The following FHL2 variants were observed in gnomAD, a reference collection of about 807,000 sequenced individuals.
FHL2 encodes four and a half LIM domains 2.
Under a neutral mutation model 32.7 loss-of-function variants are expected in FHL2, and 20 were observed. That is an observed-to-expected ratio of 0.61 (90% CI 0.43 to 0.89). FHL2 has a LOEUF of 0.89. Among genes scored for constraint, FHL2 ranks in the 40% least tolerant of loss-of-function variants. FHL2 has a pLI of 0.00. For missense variants in FHL2, 311 were observed against 358.6 expected, an observed-to-expected ratio of 0.87 and a Z score of 1.07; for synonymous variants, 123 against 128.1, an observed-to-expected ratio of 0.96 and a Z score of 0.27.
intron 3 of FHL2, among the ~76,000 whole-genome samples, chr2:105,374,783 C>T (rs1681345813): frequency 6.6e-6 from 1 of 152,194 alleles, no homozygotes; most frequent in African/African-American, 2.4e-5. Context: ...TTATGCCCAG[C>T]TTTATCTTAG....
chr2:105,402,082 TGTGTATATATAC>T (rs151135160), upstream of FHL2, among the ~76,000 whole-genome samples: 14,837 of 149,096 alleles, frequency 0.1, 1,097 homozygotes, highest in African/African-American at 0.2. Context: ...CATGTATATA[TGTGTATATATAC>T]GTGTATATAT....
At chr2:105,384,853 C>A (rs1373308691) in intron 3 of FHL2, among the ~76,000 whole-genome samples, 1 of 152,162 alleles carries the variant, frequency 6.6e-6, no homozygotes, top group African/African-American at 2.4e-5. Context: ...ACGGAAGGGT[C>A]AAGTAACTGA....
chr2:105,429,386 T>C (rs1684358446), intron 1 of FHL2, among the ~76,000 whole-genome samples: 1 of 152,212 alleles, frequency 6.6e-6, no homozygotes, highest in Admixed American at 6.5e-5. Flanking sequence ...GGGGGATTAT[T>C]CTACATTATC....
intron 2 of FHL2, among the ~76,000 whole-genome samples, chr2:105,391,912 C>T (rs1682763555): frequency 6.6e-6 from 1 of 152,218 alleles, no homozygotes; most frequent in Non-Finnish European, 1.5e-5. Context: ...TAAGGCGCAA[C>T]CCCTCCTTTT....
intron 1 of FHL2, among the ~76,000 whole-genome samples, chr2:105,412,784 C>T (rs1683833256): frequency 6.6e-6 from 1 of 151,982 alleles, no homozygotes; most frequent in South Asian, 2.1e-4. Context: ...CTGACACAGC[C>T]GAGGAGCAGT....
intron 4 of FHL2, among the ~76,000 whole-genome samples, chr2:105,373,026 C>T (rs1681204978): frequency 6.6e-6 from 1 of 152,198 alleles, no homozygotes; most frequent in African/African-American, 2.4e-5. Context: ...ACCTTTATTG[C>T]CATCCTCGGC....
Position 105,427,036 on chromosome 2 carries a change from C to A in FHL2, c.-25+11363G>T, listed in dbSNP as rs572309512. On this transcript the variant is annotated intron_variant, in intron 1 of 5. Coordinates refer to the FHL2 transcript ENST00000393352. ...AGCCATCTGCAGAGAATGGAGGATG[C>A]CTGAGAGGGGTGTGTAGGAGTAAGA... is the stretch of plus-strand genomic sequence containing the variant. Among the ~76,000 whole-genome samples the A allele has an allele frequency of 2.6e-5, 4 of 152,252 alleles. No homozygotes were observed. In the South Asian group the frequency reaches 6.2e-4, roughly 24 times the overall value.
intron 1 of FHL2, among the ~76,000 whole-genome samples, chr2:105,404,595 G>A (rs994177822): frequency 2.0e-5 from 3 of 152,218 alleles, no homozygotes; most frequent in African/African-American, 7.2e-5. Flanking sequence ...CAGTTGTGAC[G>A]GGAGACCCAA....
chr2:105,413,306 A>G (rs1373517835), intron 1 of FHL2, among the ~76,000 whole-genome samples: 1 of 152,164 alleles, frequency 6.6e-6, no homozygotes, highest in Non-Finnish European at 1.5e-5. Flanking sequence ...TCCAAAATCA[A>G]GAAGCATAAA....
intron 1 of FHL2, among the ~76,000 whole-genome samples, chr2:105,405,949 A>G (rs1201576773): frequency 6.6e-6 from 1 of 152,172 alleles, no homozygotes; most frequent in Non-Finnish European, 1.5e-5. Context: ...TCCTCAAGCC[A>G]CTTTTATGGC....
intron 1 of FHL2, among the ~76,000 whole-genome samples, chr2:105,426,876 G>T (rs934403831): frequency 6.6e-6 from 1 of 152,202 alleles, no homozygotes; most frequent in Non-Finnish European, 1.5e-5. Context: ...TACTCACATG[G>T]CCCTTATCAC....
intron 3 of FHL2, among the ~76,000 whole-genome samples, chr2:105,380,653 A>G (rs1210608896): frequency 6.6e-6 from 1 of 152,230 alleles, no homozygotes; most frequent in Non-Finnish European, 1.5e-5. Context: ...CATGAGTGTA[A>G]CAGAGATAGC....
At chr2:105,420,372 G>A (rs2104667503) in intron 1 of FHL2, among the ~76,000 whole-genome samples, 1 of 152,108 alleles carries the variant, frequency 6.6e-6, no homozygotes, top group East Asian at 1.9e-4. Context: ...CTTTTACAAG[G>A]GCACCACTCA....
intron 3 of FHL2, chr2:105,385,826 C>T (rs1682265688): frequency 6.4e-6 from 1 of 157,144 alleles, no homozygotes; most frequent in Non-Finnish European, 1.4e-5. Flanking sequence ...GAGCCATGAA[C>T]ACATTTCCCC....
upstream of FHL2, among the ~76,000 whole-genome samples, chr2:105,400,586 T>C (rs1683426581): frequency 6.6e-6 from 1 of 152,210 alleles, no homozygotes; most frequent in Non-Finnish European, 1.5e-5. Flanking sequence ...AGTTCTCAAA[T>C]GGTGAGTCTT....
chr2:105,363,542 A>G, intron 5 of FHL2, 71 bp from the exon 6 acceptor site: 1 of 1,386,832 alleles, frequency 7.2e-7, no homozygotes, highest in Non-Finnish European at 9.8e-7. Context: ...AGCTACTGCC[A>G]CTGGACGATG....
intron 5 of FHL2, 25 bp downstream of exon 5, chr2:105,367,545 A>C: frequency 1.3e-6 from 2 of 1,585,634 alleles, no homozygotes; most frequent in South Asian, 2.3e-5. Context: ...AGAACGTGCA[A>C]GGGCCAAGGG....
rs1680228431 is a variant in FHL2 at position 105,361,191 on chromosome 2, G to A, written c.*92C>T. On this transcript the variant is annotated 3_prime_UTR_variant, in exon 7 of 7. Coordinates refer to ENST00000530340, the MANE Select transcript of FHL2 (RefSeq NM_001318895.3). Reference sequence around the variant, plus strand: ...ACTAGAAGAAAGTCTCAATGTGGCTGGAAGAAACCAGAAGGCAAGATTGCC... The same window carrying A: ...ACTAGAAGAAAGTCTCAATGTGGCTAGAAGAAACCAGAAGGCAAGATTGCC... 1.1e-5 allele frequency: 15 copies of A among 1,347,422 alleles called. No individual in the cohort carries two copies. The highest frequency in any genetic ancestry group is 1.5e-5 in the Non-Finnish European group (15 of 968,740). The allele number at this position is 1,347,422 out of a possible 1,614,324, so 83.5% of individuals were successfully genotyped here. A position where few individuals can be genotyped will look rare whatever the true frequency, so the allele number is the denominator to read the frequency against.
chr2:105,415,767 T>G (rs1312719486), intron 1 of FHL2, among the ~76,000 whole-genome samples: 1 of 152,238 alleles, frequency 6.6e-6, no homozygotes, highest in Non-Finnish European at 1.5e-5. Flanking sequence ...GCACCGGGAT[T>G]CCTGTGTTTT....
Sources: gnomAD v4.1 joint callset for allele counts (sites outside exome capture counted in the v4.1 genomes callset) on GRCh38, gnomAD v4.1.1 for gene constraint, MANE v1.5 for transcripts, NCBI Gene and HGNC (gene_info 2026-07-23, HGNC 2026-07-21) for gene names.